CALHM1: variants seen among roughly 807,000 people sequenced by gnomAD.
CALHM1 encodes the protein calcium homeostasis modulator protein 1.
Under a neutral mutation model 14.8 loss-of-function variants are expected in CALHM1, and 11 were observed. The observed-to-expected ratio is 0.74, with a 90% confidence interval of 0.47 to 1.23. The LOEUF (loss-of-function observed/expected upper bound fraction) is 1.23, where lower values mean the gene tolerates loss of function less well. Ranked by LOEUF, CALHM1 falls within the 50% of genes most tolerant of loss-of-function variation. The probability of loss-of-function intolerance (pLI) is 0.00; values close to 1 mark genes in which losing one functional copy is unlikely to be tolerated. For missense variants in CALHM1, 458 were observed against 496.4 expected (o/e 0.92, Z 0.74); for synonymous variants, 215 against 218.9 (o/e 0.98, Z 0.16).
Position 103,458,816 on chromosome 10 carries a change from C to T in CALHM1, c.-65G>A, listed in dbSNP as rs1405081137. 21 of 1,492,030 alleles carry T rather than the reference C, an allele frequency of 1.4e-5. No homozygotes were observed. Among genetic ancestry groups the T allele is most frequent in the Admixed American group, 2.1e-5 (1 of 47,896 alleles). The allele number at this position is 1,492,030 out of a possible 1,614,324, so 92.4% of individuals were successfully genotyped here. ...CTGCCTCCAAGAGGGCCCCTGCTGC[C>T]CACCCTGCCCACTGGGTGCCCACCT... On this transcript the variant is annotated 5_prime_UTR_variant, in exon 1 of 2. Coordinates refer to ENST00000329905, the MANE Select transcript of CALHM1 (RefSeq NM_001001412.4). This position sits in a 1 kb window ranked among gnomAD's most constrained non-coding sequence, Gnocchi z 4.9.
rs759396433 is a variant in CALHM1, at chr10:103,458,389, G to A, written c.363C>T (p.Asp121=). ...AGAAGGCACAGAGGAAGCATTTGCC[G>A]TCGAGTAGCGTGACGGCCACCCAGA... ...PVVWVAVTLL[D]GKCFLCAFCT... is the part of the protein sequence containing the mutation. The change falls in exon 1 of 2, where the codon GAC becomes GAT. Residue 121 remains aspartate, a synonymous_variant. Transcript: ENST00000329905. This position sits in a 1 kb window ranked among gnomAD's most constrained non-coding sequence, Gnocchi z 4.9. The A allele has an allele frequency of 5.2e-5, 83 of 1,608,844 alleles. No homozygotes were observed. The highest frequency in any genetic ancestry group is 6.5e-5 in the Non-Finnish European group (76 of 1,176,986).
At chr10:103,457,838 G>A (rs1203195187) in intron 1 of CALHM1, among the ~76,000 whole-genome samples, 1 of 152,224 alleles carries the variant, frequency 6.6e-6, no homozygotes, top group Non-Finnish European at 1.5e-5. Flanking sequence ...AAATGGCCTA[G>A]CCACCCACTG....
At position 103,458,736 on chromosome 10, in the gene CALHM1, G is replaced by A. The variant is rs1393068943; in HGVS notation, c.16C>T (p.Arg6Trp). The change falls in exon 1 of 2, where the codon CGG (arginine) becomes TGG (tryptophan). Residue 6 changes from arginine to tryptophan, a missense_variant. Transcript: ENST00000329905. The surrounding 1 kb of genome is among the most constrained non-coding windows in gnomAD (Gnocchi z 4.9). MMDKF[R>W]MIFQFLQSNQ... The stretch of plus-strand genomic sequence containing the variant: ...GACTGCAGGAACTGGAAGATCATCC[G>A]GAACTTGTCCATCATGCCCGCTGTG... 12 of 1,610,820 alleles carry A rather than the reference G, an allele frequency of 7.4e-6. No individual in the cohort carries two copies. Among genetic ancestry groups the A allele is most frequent in the East Asian group, 2.2e-5 (1 of 44,838 alleles).
intron 1 of CALHM1, among the ~76,000 whole-genome samples, chr10:103,456,238 A>G (rs924620373): frequency 2.6e-5 from 4 of 152,188 alleles, no homozygotes; most frequent in African/African-American, 9.7e-5. Context: ...TGTTGTGCCA[A>G]TAGGCCCTCA....
chr10:103,458,220 G>A lies in CALHM1; in HGVS notation c.532C>T (p.Arg178Cys), dbSNP rs368218776. Residue 178 changes from arginine to cysteine, a missense_variant, in exon 1 of 2, where the codon CGT becomes TGT. Coordinates refer to ENST00000329905, the MANE Select transcript of CALHM1 (RefSeq NM_001001412.4). This position sits in a 1 kb window ranked among gnomAD's most constrained non-coding sequence, Gnocchi z 4.9. ...DWLLAREVAV[R>C]YLRCISQALG... ...ACCTGGGAGATGCAGCGGAGGTAAC[G>A]CACGGCCACCTCTCGGGCCAACAGC... The A allele has an allele frequency of 1.6e-5, 25 of 1,612,676 alleles. No homozygotes were observed. Among genetic ancestry groups the A allele is most frequent in the East Asian group, 6.7e-5 (3 of 44,872 alleles).
chr10:103,457,385 G>A (rs974466933), intron 1 of CALHM1, among the ~76,000 whole-genome samples: 4 of 152,232 alleles, frequency 2.6e-5, no homozygotes, highest in Non-Finnish European at 5.9e-5. Context: ...TCATCTGGGT[G>A]GTGACAGAGG....
At chr10:103,456,447 C>T (rs973900500) in intron 1 of CALHM1, among the ~76,000 whole-genome samples, 2 of 152,254 alleles carry the variant, frequency 1.3e-5, no homozygotes, top group Non-Finnish European at 1.5e-5. Context: ...TCAAACTCTG[C>T]GCTGAAGAGC....
chr10:103,454,061 C>T lies in CALHM1; in HGVS notation c.*1201G>A, dbSNP rs545132433. On this transcript the variant is annotated 3_prime_UTR_variant, in exon 2 of 2. Transcript: ENST00000329905. Reference sequence around the variant, plus strand: ...TTTCCTCCTCAACAAGATGGAAGCTCGAGTGTTTGTGTTGCTGTCTCATCC... The same window carrying T: ...TTTCCTCCTCAACAAGATGGAAGCTTGAGTGTTTGTGTTGCTGTCTCATCC... The T allele has an allele frequency of 3.9e-5, 6 of 152,320 alleles. No individual in the cohort carries two copies. Among genetic ancestry groups the T allele is most frequent in the African/African-American group, 1.4e-4 (6 of 41,564 alleles). The allele number at this position is 152,320 out of a possible 1,614,324, so 9.4% of individuals were successfully genotyped here.
At position 103,458,214 on chromosome 10, in the gene CALHM1, G is replaced by C; in HGVS notation, c.538C>G (p.Leu180Val). ...LLAREVAVRY[L>V]RCISQALGWS... is the part of the protein sequence containing the mutation. ...CCCCTCACCTGGGAGATGCAGCGGA[G>C]GTAACGCACGGCCACCTCTCGGGCC... The change falls in exon 1 of 2, where the codon CTC becomes GTC. Residue 180 changes from leucine to valine, a missense_variant. By Grantham distance (32) the Leu-to-Val change is conservative. Coordinates refer to ENST00000329905, the MANE Select transcript of CALHM1 (RefSeq NM_001001412.4). This position sits in a 1 kb window ranked among gnomAD's most constrained non-coding sequence, Gnocchi z 4.9. 6.2e-7 allele frequency: 1 copy of C among 1,612,802 alleles called. No homozygotes were observed. Among genetic ancestry groups the C allele is most frequent in the Non-Finnish European group, 8.5e-7 (1 of 1,179,758 alleles).
Position 103,454,005 on chromosome 10 carries a change from GGCGGTGCTGA to G in CALHM1, c.*1247_*1256del, listed in dbSNP as rs1287874895. On this transcript the variant is annotated 3_prime_UTR_variant, in exon 2 of 2. Coordinates refer to ENST00000329905, the MANE Select transcript of CALHM1 (RefSeq NM_001001412.4). ...TTGGGACTTATGTCTCAGAGCTGAG[GGCGGTGCTGA>G]GAAACCTATCTGTACCTCTGTTTCC... 2.0e-5 allele frequency: 3 copies of G among 152,196 alleles called. No individual in the cohort carries two copies. Among genetic ancestry groups the G allele is most frequent in the African/African-American group, 7.2e-5 (3 of 41,436 alleles). The allele number at this position is 152,196 out of a possible 1,614,324, so 9.4% of individuals were successfully genotyped here. A position where few individuals can be genotyped will look rare whatever the true frequency, so the allele number is the denominator to read the frequency against.
Position 103,455,125 on chromosome 10 carries a change from A to C in CALHM1, c.*137T>G. 7.8e-7 allele frequency: 1 copy of C among 1,279,294 alleles called. No homozygotes were observed. The highest frequency in any genetic ancestry group is 1.0e-6 in the Non-Finnish European group (1 of 956,052). 79.2% of individuals were successfully genotyped at this position (1,279,294 alleles called of 1,614,324 possible). The stretch of plus-strand genomic sequence containing the variant: ...TCCAAATTTCCTGCCTCCAATGGGC[A>C]GGCGAGTGCTAGGGAGTGTGGATCT... On this transcript the variant is annotated 3_prime_UTR_variant, in exon 2 of 2. Transcript: ENST00000329905.
At position 103,455,622 on chromosome 10, in the gene CALHM1, C is replaced by T; in HGVS notation, c.681G>A (p.Glu227=). ...SKYWSHYIDI[E]RKLFDETCTE... is the part of the protein sequence containing the mutation. ...TGCACGTCTCGTCGAAGAGCTTGCG[C>T]TCGATGTCGATATAGTGGGACCAGT... Residue 227 remains glutamate, a synonymous_variant, in exon 2 of 2, where the codon GAG becomes GAA. Coordinates refer to ENST00000329905, the MANE Select transcript of CALHM1 (RefSeq NM_001001412.4). 1 of 1,613,884 alleles carries T rather than the reference C, an allele frequency of 6.2e-7. No individual in the cohort carries two copies.
At position 103,453,433 on chromosome 10, in the gene CALHM1, T is replaced by TTAC. The variant is rs2033091923; in HGVS notation, c.*1828_*1829insGTA. ...ATTCTTCTTCTTCTTCTTATTATTA[T>TTAC]TATTACTTTACAGAGACAGAGTCTT... On this transcript the variant is annotated 3_prime_UTR_variant, in exon 2 of 2. Transcript: ENST00000329905. 5 of 151,700 alleles carry TTAC rather than the reference T, an allele frequency of 3.3e-5. No homozygotes were observed. The South Asian group carries it at 1.1e-3, about 32-fold the overall frequency. 9.4% of individuals were successfully genotyped at this position (151,700 alleles called of 1,614,324 possible).
chr10:103,455,219 G>A lies in CALHM1; in HGVS notation c.*43C>T. 1.3e-6 allele frequency: 2 copies of A among 1,522,750 alleles called. No individual in the cohort carries two copies. Among genetic ancestry groups the A allele is most frequent in the South Asian group, 1.3e-5 (1 of 78,014 alleles). 94.3% of individuals were successfully genotyped at this position (1,522,750 alleles called of 1,614,324 possible). ...ACCTGGTTTGGGGGTTGGAGGGGCT[G>A]TGGGCTCAGATCCCCGTTCCTGCCT... On this transcript the variant is annotated 3_prime_UTR_variant, in exon 2 of 2. Coordinates refer to ENST00000329905, the MANE Select transcript of CALHM1 (RefSeq NM_001001412.4).
At position 103,458,335 on chromosome 10, in the gene CALHM1, G is replaced by A. The variant is rs1312117397; in HGVS notation, c.417C>T (p.Gly139=). ...GAAGGCCGGGTGCCAGGCTGCCGTT[G>A]CCCAGTGCGCTCACGGGCACGGCAG... ...FCTAVPVSAL[G]NGSLAPGLPA... is the part of the protein sequence containing the mutation. Residue 139 remains glycine (G), a synonymous_variant, in exon 1 of 2, where the codon GGC becomes GGT. Coordinates refer to ENST00000329905, the MANE Select transcript of CALHM1 (RefSeq NM_001001412.4). This position sits in a 1 kb window ranked among gnomAD's most constrained non-coding sequence, Gnocchi z 4.9. 6 of 1,610,750 alleles carry A rather than the reference G, an allele frequency of 3.7e-6. No individual in the cohort carries two copies.
At position 103,455,248 on chromosome 10, in the gene CALHM1, C is replaced by T. The variant is rs930849096; in HGVS notation, c.*14G>A. 5 of 1,569,974 alleles carry T rather than the reference C, an allele frequency of 3.2e-6. No homozygotes were observed. The highest frequency in any genetic ancestry group is 1.7e-4 in the Middle Eastern group (1 of 5,894). On this transcript the variant is annotated 3_prime_UTR_variant, in exon 2 of 2. Coordinates refer to ENST00000329905, the MANE Select transcript of CALHM1 (RefSeq NM_001001412.4). Reference sequence around the variant, plus strand: ...GCTCAGATCCCCGTTCCTGCCTCTTCAGCTGGCCACACCTCACACTTTGCT... The same window carrying T: ...GCTCAGATCCCCGTTCCTGCCTCTTTAGCTGGCCACACCTCACACTTTGCT...
In CALHM1 at chr10:103,455,531, G is replaced by C. The variant is rs766519044; in HGVS notation, c.772C>G (p.Leu258Val). 6.2e-7 allele frequency: 1 copy of C among 1,613,854 alleles called. No homozygotes were observed. The highest frequency in any genetic ancestry group is 2.2e-5 in the East Asian group (1 of 44,874). The change falls in exon 2 of 2, where the codon CTG (leucine) becomes GTG (valine). Residue 258 changes from leucine to valine, a missense_variant. Leu to Val is a conservative substitution (Grantham distance 32, BLOSUM62 1). Coordinates refer to ENST00000329905, the MANE Select transcript of CALHM1 (RefSeq NM_001001412.4). ...GTCCCGTGGGTGTGACCCAGCTCCA[G>C]GTCATGGTTCATGGCCTCGAAGAAC... Reference protein sequence around the residue: ...QQFFEAMNHDLELGHTHGTLA... With the variant: ...QQFFEAMNHDVELGHTHGTLA...
Position 103,453,867 on chromosome 10 carries a change from A to G in CALHM1, c.*1395T>C, listed in dbSNP as rs1042513899. The G allele has an allele frequency of 6.6e-6, 1 of 151,962 alleles. No individual in the cohort carries two copies. Among genetic ancestry groups the G allele is most frequent in the African/African-American group, 2.4e-5 (1 of 41,344 alleles). 9.4% of individuals were successfully genotyped at this position (151,962 alleles called of 1,614,324 possible). The stretch of plus-strand genomic sequence containing the variant: ...ACCTTGGCCCACAAAGATCTGAGCA[A>G]CTCCTCCCAAATAATTAAGAGGAGG... On this transcript the variant is annotated 3_prime_UTR_variant, in exon 2 of 2. Coordinates refer to ENST00000329905, the MANE Select transcript of CALHM1 (RefSeq NM_001001412.4).
At position 103,455,682 on chromosome 10, in the gene CALHM1, G is replaced by C. The variant is rs1340284737; in HGVS notation, c.621C>G (p.Pro207=). 1.2e-6 allele frequency: 2 copies of C among 1,613,410 alleles called. No homozygotes were observed. Among genetic ancestry groups the C allele is most frequent in the South Asian group, 2.2e-5 (2 of 91,090 alleles). The stretch of plus-strand genomic sequence containing the variant: ...TGAGGAAGGCGGCCTGCGTGAAGCA[G>C]GGCCGCACAGAGCGCACCACGAATG... ...LLAFVVRSVR[P]CFTQAAFLKS... Residue 207 remains proline, a synonymous_variant, in exon 2 of 2, where the codon CCC becomes CCG. Coordinates refer to ENST00000329905, the MANE Select transcript of CALHM1 (RefSeq NM_001001412.4).
Sources: allele counts gnomAD v4.1 joint callset (sites outside exome capture counted in the v4.1 genomes callset), GRCh38; gene constraint gnomAD v4.1.1; non-coding constraint Gnocchi (gnomAD v3.1); transcripts MANE v1.5; gene names NCBI Gene and HGNC (gene_info 2026-07-23, HGNC 2026-07-21).